The following TTC28 variants were observed in gnomAD, a reference collection of about 807,000 sequenced individuals.
TTC28 encodes the protein tetratricopeptide repeat domain 28.
TTC28 carries 61 observed loss-of-function variants against 198.0 expected under a neutral mutation model. The observed-to-expected ratio is 0.31, with a 90% CI of 0.25 to 0.38. The LOEUF is 0.38. Among genes scored for constraint, TTC28 ranks in the 10% least tolerant of loss-of-function variants. The pLI, the probability that TTC28 is intolerant of heterozygous loss-of-function variation, is 1.00. For synonymous variants in TTC28, 1,171 were observed against 1,297.8 expected, an observed-to-expected ratio of 0.90 and a Z score of 2.10; for missense variants, 2,678 against 3,164.0, an observed-to-expected ratio of 0.85 and a Z score of 3.69.
chr22:28,413,226 G>A (rs1218765189), intron 2 of TTC28, among the ~76,000 whole-genome samples: 2 of 152,098 alleles, frequency 1.3e-5, no homozygotes, highest in African/African-American at 2.4e-5. Flanking sequence ...ACGAGGTCAA[G>A]AGATCAAGAC....
chr22:28,124,948 C>T (rs1372573166), intron 6 of TTC28, among the ~76,000 whole-genome samples: 1 of 152,216 alleles, frequency 6.6e-6, no homozygotes, highest in African/African-American at 2.4e-5. Context: ...CCATGTCTCA[C>T]CAACATGAAC....
chr22:28,481,727 G>T (rs737622), intron 2 of TTC28, among the ~76,000 whole-genome samples: 77,912 of 151,924 alleles, frequency 0.51, 20,401 homozygotes, highest in South Asian at 0.57. Flanking sequence ...GATTAATTTC[G>T]TGGTATTGTT....
chr22:28,633,800 C>T (rs907362036), intron 1 of TTC28, among the ~76,000 whole-genome samples: 3 of 152,112 alleles, frequency 2.0e-5, no homozygotes, highest in Non-Finnish European at 4.4e-5. Flanking sequence ...CAAGGATGAA[C>T]AACGTTAAAT....
chr22:28,531,377 C>A (rs2049135462), intron 2 of TTC28, among the ~76,000 whole-genome samples: 1 of 152,194 alleles, frequency 6.6e-6, no homozygotes, highest in Non-Finnish European at 1.5e-5. Context: ...AATATATATG[C>A]ACTCAATACA....
chr22:28,074,093 C>T (rs964435736), intron 12 of TTC28, among the ~76,000 whole-genome samples: 1 of 152,154 alleles, frequency 6.6e-6, no homozygotes, highest in Non-Finnish European at 1.5e-5. Context: ...AAAACAAAGC[C>T]TATTTCAACC....
intron 6 of TTC28, among the ~76,000 whole-genome samples, chr22:28,159,772 T>C (rs565710780): frequency 4.7e-4 from 71 of 152,304 alleles, no homozygotes; most frequent in African/African-American, 1.7e-3. Flanking sequence ...CTTCTATTTT[T>C]TGCAGCATTG....
intron 12 of TTC28, among the ~76,000 whole-genome samples, chr22:28,033,365 C>T (rs944903382): frequency 3.3e-5 from 5 of 152,224 alleles, no homozygotes; most frequent in Admixed American, 3.3e-4. Context: ...CACTCACTCT[C>T]CTGCACCCAT....
chr22:28,556,140 C>T (rs1307551115), intron 2 of TTC28, among the ~76,000 whole-genome samples: 1 of 152,016 alleles, frequency 6.6e-6, no homozygotes, highest in African/African-American at 2.4e-5. Context: ...GGGTGGATCA[C>T]ATGAGGTCAG....
chr22:28,067,283 T>A (rs935937023), intron 12 of TTC28, among the ~76,000 whole-genome samples: 5 of 152,176 alleles, frequency 3.3e-5, no homozygotes, highest in African/African-American at 1.2e-4. Context: ...GAACTTCTTA[T>A]AGCAGGAAAC....
intron 2 of TTC28, among the ~76,000 whole-genome samples, chr22:28,468,967 C>T (rs1057347810): frequency 7.2e-5 from 11 of 152,144 alleles, no homozygotes; most frequent in Non-Finnish European, 1.6e-4. Flanking sequence ...CAAAACACTC[C>T]AATTATTTTC....
chr22:28,254,591 C>G (rs1930755636), intron 5 of TTC28, among the ~76,000 whole-genome samples: 1 of 151,814 alleles, frequency 6.6e-6, no homozygotes, highest in East Asian at 1.9e-4. Context: ...AAATGCTTCA[C>G]TATGGTAGGG....
chr22:28,162,430 C>T (rs135653), intron 6 of TTC28, among the ~76,000 whole-genome samples: 22,428 of 152,228 alleles, frequency 0.15, 1,755 homozygotes, highest in Non-Finnish European at 0.16. Flanking sequence ...TTCTCATCTA[C>T]TGATGACTGC....
chr22:28,304,990 A>C (rs1724081091), intron 3 of TTC28, among the ~76,000 whole-genome samples: 1 of 150,852 alleles, frequency 6.6e-6, no homozygotes, highest in South Asian at 2.1e-4. Flanking sequence ...TTATTTATTT[A>C]TTTATTTATT....
chr22:28,531,977 C>A (rs530895549), intron 2 of TTC28, among the ~76,000 whole-genome samples: 1 of 152,148 alleles, frequency 6.6e-6, no homozygotes, highest in Non-Finnish European at 1.5e-5. Context: ...AAAATTGACA[C>A]CCTAACATCA....
intron 2 of TTC28, among the ~76,000 whole-genome samples, chr22:28,476,862 A>G (rs959885171): frequency 6.6e-5 from 10 of 152,228 alleles, no homozygotes; most frequent in Non-Finnish European, 8.8e-5. Context: ...AGTAAAAAAA[A>G]TGGAAACAAT....
chr22:28,079,836 C>A (rs1941283215), intron 12 of TTC28, among the ~76,000 whole-genome samples: 1 of 152,080 alleles, frequency 6.6e-6, no homozygotes, highest in East Asian at 1.9e-4. Context: ...TCGTGTGATT[C>A]CCCTACCTCA....
chr22:28,313,478 AC>A (rs2045301271), intron 2 of TTC28, among the ~76,000 whole-genome samples: 1 of 152,162 alleles, frequency 6.6e-6, no homozygotes, highest in Non-Finnish European at 1.5e-5. Flanking sequence ...ATACTGGCAA[AC>A]CGAATCCAGC....
chr22:27,998,741 C>T lies in TTC28; in HGVS notation c.4918G>A (p.Ala1640Thr), dbSNP rs1402104968. The part of the protein sequence containing the change: ...NSKVTADGVI[A>T]LTRAFLAAGA... Reference sequence around the variant, plus strand: ...GCAGCCAGGAAGGCCCTTGTCAGCGCGATGACCCCGTCGGCTGTGACTTTG... The same window carrying T: ...GCAGCCAGGAAGGCCCTTGTCAGCGTGATGACCCCGTCGGCTGTGACTTTG... The change falls in exon 16 of 23, where the codon GCG (alanine) becomes ACG (threonine). Residue 1640 changes from alanine to threonine, a missense_variant. Physicochemically the swap from Ala to Thr is moderately conservative, Grantham distance 58. Around this residue, in one of 8 missense-constraint regions of TTC28, gnomAD observed 314 missense variants for 442.7 expected, o/e 0.71. Coordinates refer to ENST00000397906, the MANE Select transcript of TTC28 (RefSeq NM_001145418.2). 5.8e-6 allele frequency: 9 copies of T among 1,550,812 alleles called. No individual in the cohort carries two copies. The highest frequency in any genetic ancestry group is 2.0e-5 in the Admixed American group (1 of 51,012).
chr22:28,536,222 A>G (rs570482112), intron 2 of TTC28, among the ~76,000 whole-genome samples: 1 of 78,936 alleles, frequency 1.3e-5, no homozygotes, highest in Admixed American at 1.2e-4. Context: ...AAAAAAAAAC[A>G]TAAAAATAAT....
Sources: allele counts gnomAD v4.1 joint callset (sites outside exome capture counted in the v4.1 genomes callset), GRCh38; gene constraint gnomAD v4.1.1; regional missense constraint gnomAD v4.1.1; transcripts MANE v1.5; gene names NCBI Gene and HGNC (gene_info 2026-07-23, HGNC 2026-07-21).